SLC4A7: variants seen among roughly 807,000 people sequenced by gnomAD.
SLC4A7 encodes sodium bicarbonate cotransporter 3.
In SLC4A7, 51 loss-of-function variants were observed where a neutral mutation model predicts 137.6. The observed-to-expected ratio is 0.37, with a 90% CI of 0.30 to 0.47. SLC4A7 has a LOEUF of 0.47. SLC4A7 is among the 20% of genes least tolerant of loss of function. The pLI is 1.00. For missense variants in SLC4A7, 1,247 were observed against 1,525.4 expected, an observed-to-expected ratio of 0.82 and a Z score of 3.04; for synonymous variants, 542 against 518.6, an observed-to-expected ratio of 1.05 and a Z score of -0.61.
intron 13 of SLC4A7, among the ~76,000 whole-genome samples, chr3:27,405,224 C>T (rs1481141063): frequency 1.3e-5 from 2 of 151,810 alleles, no homozygotes; most frequent in East Asian, 1.9e-4. Flanking sequence ...GCTGAGTATC[C>T]CTAATCCAAA....
intron 14 of SLC4A7, 107 bp downstream of exon 14, chr3:27,404,723 T>C (rs1407950064): frequency 2.4e-6 from 2 of 840,758 alleles, no homozygotes; most frequent in Non-Finnish European, 3.7e-6. Flanking sequence ...ATAATGAGAA[T>C]GCATATATTG....
intron 3 of SLC4A7, among the ~76,000 whole-genome samples, chr3:27,437,740 GA>G (rs893393200): frequency 8.2e-5 from 12 of 146,174 alleles, no homozygotes; most frequent in African/African-American, 3.0e-4. Flanking sequence ...AATCTCTATA[GA>G]AAAAAAAGAA....
rs575629997 is a variant in SLC4A7 at position 27,469,127 on chromosome 3, T to G, written c.60+14940A>C. 9.9e-5 allele frequency among the ~76,000 whole-genome samples: 15 copies of G among 150,908 alleles called. No homozygotes were observed. In the Admixed American group the frequency reaches 9.9e-4, roughly 10 times the overall value. On this transcript the variant is annotated intron_variant, in intron 1 of 25. Transcript: ENST00000454389. The stretch of plus-strand genomic sequence containing the variant: ...GTCTCAATAAAAGAAAAAAAAAAAC[T>G]TAAATACTAGGTATTAGTACTCTTT...
At chr3:27,403,017 C>T (rs2052943852) in intron 15 of SLC4A7, 122 bp downstream of exon 15, 5 of 822,952 alleles carry the variant, frequency 6.1e-6, no homozygotes, top group Non-Finnish European at 9.3e-6. Context: ...GTCACTATCA[C>T]ATGGCTAGTT....
In SLC4A7 at chr3:27,379,374, T is replaced by C; in HGVS notation, c.3591-18A>G. ...GATCAACACTGAAGAACAAATACAC[T>C]TTTTGGTTAGTATTCAGTACTTGCA... On this transcript the variant is annotated intron_variant, in intron 24 of 25. Coordinates refer to ENST00000454389, the MANE Select transcript of SLC4A7 (RefSeq NM_001321103.2). 7.3e-7 allele frequency: 1 copy of C among 1,365,234 alleles called. No homozygotes were observed. The highest frequency in any genetic ancestry group is 2.5e-5 in the East Asian group (1 of 40,042). 84.6% of individuals were successfully genotyped at this position (1,365,234 alleles called of 1,614,324 possible). A position where few individuals can be genotyped will look rare whatever the true frequency, so the allele number is the denominator to read the frequency against.
At position 27,395,034 on chromosome 3, in the gene SLC4A7, C is replaced by G; in HGVS notation, c.2785G>C (p.Ala929Pro). The G allele has an allele frequency of 6.2e-7, 1 of 1,612,742 alleles. No homozygotes were observed. The highest frequency in any genetic ancestry group is 1.3e-5 in the African/African-American group (1 of 74,968). The change falls in exon 19 of 26, where the codon GCT (alanine) becomes CCT (proline). Residue 929 changes from alanine to proline, a missense_variant. Physicochemically the swap from Ala to Pro is conservative, Grantham distance 27. This residue lies in a region of SLC4A7 where 48 missense variants were observed against 97.2 expected (regional missense o/e 0.49). Coordinates refer to ENST00000454389, the MANE Select transcript of SLC4A7 (RefSeq NM_001321103.2). ...AAGATGAGAATGGTACAAAGCAAAG[C>G]AGGAATAGCAGCTATTAATAAGGTC... is the stretch of plus-strand genomic sequence containing the variant. Reference protein sequence around the residue: ...WWTLLIAAIPALLCTILIFMD... With the variant: ...WWTLLIAAIPPLLCTILIFMD...
Position 27,373,509 on chromosome 3 carries a change from A to C in SLC4A7, c.*3255T>G, listed in dbSNP as rs987985845. On this transcript the variant is annotated 3_prime_UTR_variant, in exon 26 of 26. Transcript: ENST00000454389. The stretch of plus-strand genomic sequence containing the variant: ...AAACATTAAGTTATTTCATATAAAC[A>C]TTTTTAATTACAGCGTTATATCAAT... 1 of 152,166 alleles carries C rather than the reference A, an allele frequency of 6.6e-6. No homozygotes were observed. Among genetic ancestry groups the C allele is most frequent in the African/African-American group, 2.4e-5 (1 of 41,466 alleles). The allele number at this position is 152,166 out of a possible 1,614,324, so 9.4% of individuals were successfully genotyped here. A position where few individuals can be genotyped will look rare whatever the true frequency, so the allele number is the denominator to read the frequency against.
At chr3:27,460,120 G>A (rs573837048) in intron 1 of SLC4A7, among the ~76,000 whole-genome samples, 7 of 150,938 alleles carry the variant, frequency 4.6e-5, no homozygotes, top group East Asian at 2.0e-4. Flanking sequence ...TGCAACCTCC[G>A]CCTCCCAAGT....
chr3:27,398,605 A>G (rs13318924), intron 16 of SLC4A7, among the ~76,000 whole-genome samples: 7,036 of 152,278 alleles, frequency 0.046, 181 homozygotes, highest in East Asian at 0.068. Flanking sequence ...GTATTTTGCC[A>G]AGTCACTTCA....
intron 15 of SLC4A7, among the ~76,000 whole-genome samples, chr3:27,401,685 T>A (rs1384378899): frequency 6.6e-6 from 1 of 152,180 alleles, no homozygotes; most frequent in Non-Finnish European, 1.5e-5. Flanking sequence ...AAATTTATAA[T>A]ATAAATTAGG....
At chr3:27,445,951 AAAAAAAAAAAAAAT>A (rs2057572879) in intron 3 of SLC4A7, among the ~76,000 whole-genome samples, 1 of 32,148 alleles carries the variant, frequency 3.1e-5, no homozygotes, top group South Asian at 1.2e-3. Flanking sequence ...AAAAAAAAAA[AAAAAAAAAAAAAAT>A]ATATATATAT....
intron 3 of SLC4A7, among the ~76,000 whole-genome samples, chr3:27,440,132 A>C (rs2057072343): frequency 6.6e-6 from 1 of 152,094 alleles, no homozygotes; most frequent in Non-Finnish European, 1.5e-5. Flanking sequence ...AATAACACAA[A>C]TTTATTCTCT....
intron 25 of SLC4A7, among the ~76,000 whole-genome samples, chr3:27,378,950 C>G (rs1355033511): frequency 2.0e-5 from 3 of 152,122 alleles, no homozygotes; most frequent in Admixed American, 1.3e-4. Context: ...GTCCCCCAGG[C>G]TGGAGTGCAA....
chr3:27,456,737 G>A, intron 1 of SLC4A7: 1 of 1,597,896 alleles, frequency 6.3e-7, no homozygotes, highest in Non-Finnish European at 8.5e-7. Flanking sequence ...CTCCCTTGAA[G>A]ATTCCAGGGA....
intron 24 of SLC4A7, among the ~76,000 whole-genome samples, chr3:27,382,312 C>A (rs1409514650): frequency 2.6e-5 from 4 of 151,798 alleles, no homozygotes; most frequent in Non-Finnish European, 4.4e-5. Flanking sequence ...GACAGGTTTC[C>A]CCATGTTGGC....
At chr3:27,398,117 G>C in intron 17 of SLC4A7, 75 bp downstream of exon 17, 1 of 1,068,254 alleles carries the variant, frequency 9.4e-7, no homozygotes, top group African/African-American at 1.6e-5. Flanking sequence ...ATATATTACT[G>C]TTTTGAAATA....
At chr3:27,393,767 T>C (rs540858175) in intron 20 of SLC4A7, among the ~76,000 whole-genome samples, 15 of 152,222 alleles carry the variant, frequency 9.9e-5, no homozygotes, top group African/African-American at 3.1e-4. Flanking sequence ...ATTATCATCA[T>C]AGCACAAAAT....
chr3:27,428,146 A>G (rs934300756), intron 7 of SLC4A7: 5 of 152,720 alleles, frequency 3.3e-5, no homozygotes, highest in African/African-American at 1.2e-4. Flanking sequence ...CTTCTGAATA[A>G]TTATTTTTAG....
chr3:27,375,903 A>G lies in SLC4A7; in HGVS notation c.*861T>C, dbSNP rs1377719600. On this transcript the variant is annotated 3_prime_UTR_variant, in exon 26 of 26. Coordinates refer to ENST00000454389, the MANE Select transcript of SLC4A7 (RefSeq NM_001321103.2). ...AAGAGAATAATAGTCAAGAACTTGA[A>G]CCTGATGGAAACTAAAGCATTTTAA... 2.0e-5 allele frequency: 3 copies of G among 152,078 alleles called. No individual in the cohort carries two copies. Among genetic ancestry groups the G allele is most frequent in the African/African-American group, 7.2e-5 (3 of 41,440 alleles). The allele number at this position is 152,078 out of a possible 1,614,324, so 9.4% of individuals were successfully genotyped here.
Sources: allele counts gnomAD v4.1 joint callset (sites outside exome capture counted in the v4.1 genomes callset), GRCh38; gene constraint gnomAD v4.1.1; regional missense constraint gnomAD v4.1.1; transcripts MANE v1.5; gene names NCBI Gene and HGNC (gene_info 2026-07-23, HGNC 2026-07-21).